The following DCAF8L2 variants were observed in gnomAD, a reference collection of about 807,000 sequenced individuals.
The protein encoded by DCAF8L2 is DDB1- and CUL4-associated factor 8-like protein 2.
For synonymous variants in DCAF8L2, 200 were observed against 190.9 expected (o/e 1.05, Z -0.39); for missense variants, 430 against 490.7 (o/e 0.88, Z 1.17).
intron 2 of DCAF8L2, among the ~76,000 whole-genome samples, chrX:27,648,527 A>G (rs1044374579): frequency 2.8e-5 from 3 of 106,860 alleles, no homozygotes; most frequent in Non-Finnish European, 3.8e-5. Flanking sequence ...TATTATTTAT[A>G]TATATATATA....
chrX:27,711,962 A>G (rs1931548663), intron 3 of DCAF8L2, among the ~76,000 whole-genome samples: 2 of 111,202 alleles, frequency 1.8e-5, no homozygotes, highest in African/African-American at 6.5e-5. Flanking sequence ...CTGTTCATCT[A>G]GGTTTTAGAA....
intron 2 of DCAF8L2, among the ~76,000 whole-genome samples, chrX:27,648,521 A>ATT (rs1412130175): frequency 1.0e-4 from 6 of 60,100 alleles, no homozygotes; most frequent in African/African-American, 6.8e-4. Flanking sequence ...TATATGTATT[A>ATT]TTTATATATA....
intron 1 of DCAF8L2, among the ~76,000 whole-genome samples, chrX:27,629,551 A>G (rs1928201617): frequency 9.3e-6 from 1 of 107,194 alleles, no homozygotes; most frequent in African/African-American, 3.4e-5. Flanking sequence ...AGTTTCCACA[A>G]CACCATTTGT....
At chrX:27,637,898 A>G (rs1291697829) in intron 2 of DCAF8L2, among the ~76,000 whole-genome samples, 1 of 111,574 alleles carries the variant, frequency 9.0e-6, no homozygotes, top group African/African-American at 3.3e-5. Flanking sequence ...ATGGAATTCA[A>G]ACCAGACACG....
chrX:27,704,181 C>CACACACACACACACAT (rs200753295), intron 3 of DCAF8L2, among the ~76,000 whole-genome samples: 4 of 89,466 alleles, frequency 4.5e-5, no homozygotes, highest in African/African-American at 1.7e-4. Flanking sequence ...TATACATATA[C>CACACACACACACACAT]ACACACACAT....
the DCAF8L2 span, among the ~76,000 whole-genome samples, chrX:27,472,846 T>G: frequency 8.9e-6 from 1 of 112,006 alleles, no homozygotes; most frequent in Admixed American, 9.5e-5. Context: ...AACTTTAAAT[T>G]TTATTCTCCT....
At chrX:27,708,032 G>T (rs1261052991) in intron 3 of DCAF8L2, among the ~76,000 whole-genome samples, 1 of 110,004 alleles carries the variant, frequency 9.1e-6, no homozygotes, top group African/African-American at 3.3e-5. Context: ...TTTTAGTTTT[G>T]TGATGTACAT....
intron 4 of DCAF8L2, among the ~76,000 whole-genome samples, chrX:27,725,598 C>A (rs1932043998): frequency 9.1e-6 from 1 of 109,595 alleles, no homozygotes; most frequent in Admixed American, 9.8e-5. Context: ...TTATAAAGAT[C>A]TAGATGGGTC....
intron 2 of DCAF8L2, among the ~76,000 whole-genome samples, chrX:27,674,576 A>G (rs1171123053): frequency 3.6e-5 from 4 of 111,254 alleles, no homozygotes; most frequent in Non-Finnish European, 5.7e-5. Context: ...TTCAGAGAGC[A>G]TGAAGCCGTT....
At chrX:27,480,892 G>A in the DCAF8L2 span, among the ~76,000 whole-genome samples, 3 of 111,897 alleles carry the variant, frequency 2.7e-5, no homozygotes. Context: ...GCTGAAGTCT[G>A]AAATATGAAT....
chrX:27,690,241 CA>C (rs1203019170), intron 3 of DCAF8L2, among the ~76,000 whole-genome samples: 1 of 111,240 alleles, frequency 9.0e-6, no homozygotes, highest in African/African-American at 3.3e-5. Context: ...TAGAGGAGGT[CA>C]AGAGCTTGGA....
At chrX:27,509,398 C>T in the DCAF8L2 span, among the ~76,000 whole-genome samples, 1 of 111,815 alleles carries the variant, frequency 8.9e-6, no homozygotes, top group African/African-American at 3.2e-5. Flanking sequence ...GTTTAAAAAC[C>T]TCTTTCAACT....
chrX:27,742,847 C>T (rs745603979), intron 4 of DCAF8L2, among the ~76,000 whole-genome samples: 2 of 111,691 alleles, frequency 1.8e-5, no homozygotes, highest in Admixed American at 1.9e-4. Context: ...TCTTCTATTT[C>T]GGGTTTTGTC....
chrX:27,619,503 T>C (rs777786655), intron 1 of DCAF8L2, among the ~76,000 whole-genome samples: 1 of 111,405 alleles, frequency 9.0e-6, no homozygotes, highest in South Asian at 3.8e-4. Context: ...TTAAAGGTTC[T>C]CCCTCCACAT....
At chrX:27,732,557 A>G (rs1921272029) in intron 4 of DCAF8L2, among the ~76,000 whole-genome samples, 1 of 110,375 alleles carries the variant, frequency 9.1e-6, no homozygotes, top group Admixed American at 9.8e-5. Flanking sequence ...ATGTCCTCAC[A>G]TAGCAGAAAA....
chrX:27,635,934 C>T (rs751140340), intron 2 of DCAF8L2, among the ~76,000 whole-genome samples: 43 of 109,152 alleles, frequency 3.9e-4, no homozygotes, highest in African/African-American at 1.3e-3. Context: ...GCCTCAGCCT[C>T]CCAAGTAGCT....
At chrX:27,541,011 T>C in the DCAF8L2 span, among the ~76,000 whole-genome samples, 222 of 112,126 alleles carry the variant, frequency 2.0e-3, 1 homozygote, top group Non-Finnish European at 3.2e-3. Context: ...CCAAAATATT[T>C]CATCCCAAAA....
At chrX:27,567,251 TA>T in the DCAF8L2 span, among the ~76,000 whole-genome samples, 1 of 109,642 alleles carries the variant, frequency 9.1e-6, no homozygotes, top group Non-Finnish European at 1.9e-5. Flanking sequence ...ATTTGCTCTA[TA>T]ATGTTGCTCC....
intron 3 of DCAF8L2, among the ~76,000 whole-genome samples, chrX:27,678,647 T>G (rs761397272): frequency 1.3e-4 from 14 of 111,378 alleles, no homozygotes; most frequent in Non-Finnish European, 2.1e-4. Flanking sequence ...ACAGGCAAAT[T>G]TGTAGAGGCA....
Sources: gnomAD v4.1 joint callset for allele counts (sites outside exome capture counted in the v4.1 genomes callset) on GRCh38, gnomAD v4.1.1 for gene constraint, MANE v1.5 for transcripts, NCBI Gene and HGNC (gene_info 2026-07-23, HGNC 2026-07-21) for gene names.